Variants in EXOC6 observed in about 807,000 individuals in gnomAD.
The protein encoded by EXOC6 is exocyst complex component 6.
EXOC6 carries 60 observed loss-of-function variants against 112.5 expected under a neutral mutation model. The ratio of observed to expected loss-of-function variants is 0.53; its 90% CI spans 0.43 to 0.66. The LOEUF (loss-of-function observed/expected upper bound fraction) is 0.66, where lower values mean the gene tolerates loss of function less well. EXOC6 is among the 30% of genes least tolerant of loss of function. The pLI, the probability that EXOC6 is intolerant of heterozygous loss-of-function variation, is 0.00. For synonymous variants in EXOC6, 295 were observed against 308.0 expected, an observed-to-expected ratio of 0.96 and a Z score of 0.44; for missense variants, 855 against 957.1, an observed-to-expected ratio of 0.89 and a Z score of 1.41.
chr10:92,951,294 T>C (rs1278956086), intron 14 of EXOC6, among the ~76,000 whole-genome samples: 1 of 151,946 alleles, frequency 6.6e-6, no homozygotes, highest in Non-Finnish European at 1.5e-5. Flanking sequence ...CCAAGAAAAG[T>C]ATATGTAGTA....
chr10:93,048,582 T>TATA (rs753191497), intron 20 of EXOC6, among the ~76,000 whole-genome samples: 2 of 151,486 alleles, frequency 1.3e-5, no homozygotes, highest in South Asian at 2.1e-4. Flanking sequence ...AAACTTAAAG[T>TATA]ATAATAATAA....
intron 18 of EXOC6, among the ~76,000 whole-genome samples, chr10:92,995,669 A>G (rs1176738417): frequency 6.6e-6 from 1 of 152,118 alleles, no homozygotes; most frequent in Non-Finnish European, 1.5e-5. Context: ...TGCTTGGGGA[A>G]TGGAGCTGCA....
intron 18 of EXOC6, among the ~76,000 whole-genome samples, chr10:92,989,574 C>G (rs1843148219): frequency 6.6e-6 from 1 of 152,176 alleles, no homozygotes; most frequent in Admixed American, 6.5e-5. Context: ...ATAACTGTTG[C>G]AAATTCCCAA....
chr10:92,913,842 A>AT (rs1431225279), intron 6 of EXOC6, among the ~76,000 whole-genome samples: 7 of 152,202 alleles, frequency 4.6e-5, no homozygotes, highest in Admixed American at 4.6e-4. Context: ...AAAAAAAGTT[A>AT]TTTTTGAAAA....
chr10:92,971,375 CT>C (rs1417142251), intron 17 of EXOC6, among the ~76,000 whole-genome samples: 12 of 139,172 alleles, frequency 8.6e-5, no homozygotes, highest in African/African-American at 2.4e-4. Flanking sequence ...ACTTATTGTA[CT>C]TTTTTTTTTC....
chr10:92,831,677 C>T (rs1444743715), upstream of EXOC6, among the ~76,000 whole-genome samples: 1 of 152,080 alleles, frequency 6.6e-6, no homozygotes, highest in East Asian at 1.9e-4. Flanking sequence ...TCAGGTGATC[C>T]GCCTGCCTCG....
At chr10:93,010,456 C>T (rs1380331831) in intron 19 of EXOC6, among the ~76,000 whole-genome samples, 1 of 152,084 alleles carries the variant, frequency 6.6e-6, no homozygotes, top group African/African-American at 2.4e-5. Context: ...GTAATCACAG[C>T]ACTTTGGGAG....
intron 1 of EXOC6, among the ~76,000 whole-genome samples, chr10:92,863,538 A>G (rs1848008630): frequency 6.6e-6 from 1 of 152,156 alleles, no homozygotes; most frequent in African/African-American, 2.4e-5. Context: ...GCACTTTGGG[A>G]GGCCAAGGCG....
chr10:92,832,499 A>C (rs548484479), upstream of EXOC6, among the ~76,000 whole-genome samples: 7 of 152,182 alleles, frequency 4.6e-5, no homozygotes, highest in Non-Finnish European at 1.0e-4. Flanking sequence ...GCCTGTCATG[A>C]ACTTCCGACC....
upstream of EXOC6, among the ~76,000 whole-genome samples, chr10:92,834,162 G>C (rs771038613): frequency 2.0e-5 from 3 of 152,100 alleles, no homozygotes; most frequent in Non-Finnish European, 2.9e-5. Flanking sequence ...AAAGGAGATA[G>C]ACAGGGCACC....
intron 20 of EXOC6, among the ~76,000 whole-genome samples, chr10:93,033,390 A>G (rs1395338312): frequency 6.6e-6 from 1 of 152,140 alleles, no homozygotes; most frequent in Admixed American, 6.5e-5. Context: ...AGTTGAATTT[A>G]CCCTGAGCAA....
At chr10:92,881,466 A>G (rs1168105591) in intron 1 of EXOC6, among the ~76,000 whole-genome samples, 2 of 152,210 alleles carry the variant, frequency 1.3e-5, no homozygotes, top group Non-Finnish European at 2.9e-5. Context: ...TTCAGTGTAG[A>G]TAAATTTTAA....
chr10:93,039,809 C>T (rs142605093), intron 20 of EXOC6, among the ~76,000 whole-genome samples: 34 of 152,280 alleles, frequency 2.2e-4, no homozygotes, highest in Non-Finnish European at 4.3e-4. Context: ...CCTGAAAACC[C>T]TCATTGCAAT....
intron 20 of EXOC6, among the ~76,000 whole-genome samples, chr10:93,017,668 A>G (rs997493430): frequency 1.3e-5 from 2 of 152,094 alleles, no homozygotes; most frequent in Non-Finnish European, 2.9e-5. Context: ...CTTCACCACT[A>G]TACGATTCAT....
In EXOC6 at chr10:92,877,555, T is replaced by G. The variant is rs562882574; in HGVS notation, c.102-15794T>G. Among the ~76,000 whole-genome samples, 174 of 152,332 alleles carry G rather than the reference T, an allele frequency of 1.1e-3. 7 individuals are homozygous for G. The South Asian group carries it at 0.032, about 28-fold the overall frequency. On this transcript the variant is annotated intron_variant, in intron 1 of 21. Coordinates refer to ENST00000260762, the MANE Select transcript of EXOC6 (RefSeq NM_019053.6). Reference sequence around the variant, plus strand: ...AATACAGATGGAAAAAGATGATTTTTATTTTTTGTTTTGTTATTTATATTC... The same window carrying G: ...AATACAGATGGAAAAAGATGATTTTGATTTTTTGTTTTGTTATTTATATTC...
intron 5 of EXOC6, among the ~76,000 whole-genome samples, chr10:92,903,255 C>T (rs1196906082): frequency 6.6e-6 from 1 of 151,912 alleles, no homozygotes; most frequent in African/African-American, 2.4e-5. Context: ...TCCTTGCAAA[C>T]GTATGGTGTT....
In EXOC6 at chr10:93,038,841, A is replaced by G. The variant is rs191312715; in HGVS notation, c.2170-18083A>G. Among the ~76,000 whole-genome samples, 88 of 152,348 alleles carry G rather than the reference A, an allele frequency of 5.8e-4. No homozygotes were observed. The Middle Eastern group carries it at 0.014, about 24-fold the overall frequency. On this transcript the variant is annotated intron_variant, in intron 20 of 21. Transcript: ENST00000260762. The stretch of plus-strand genomic sequence containing the variant: ...AACTCAAAATTTGATTAGAAAGTGA[A>G]AACAAACATACAAAGGAAAAGTAAG...
In EXOC6 at chr10:92,873,796, A is replaced by G. The variant is rs535078884; in HGVS notation, c.102-19553A>G. On this transcript the variant is annotated intron_variant, in intron 1 of 21. Transcript: ENST00000260762. ...CCAGGCACGGTGGCTCATGCCTGTA[A>G]TACCAGCACTTTGGGAGGCCGAGGT... Among the ~76,000 whole-genome samples the G allele has an allele frequency of 1.1e-3, 171 of 152,298 alleles. 1 individual carries two copies. Among genetic ancestry groups the G allele is most frequent in the African/African-American group, 3.8e-3 (159 of 41,566 alleles).
Position 92,848,649 on chromosome 10 carries a change from C to T in EXOC6, c.101+15C>T, listed in dbSNP as rs1418338776. 1.5e-6 allele frequency: 2 copies of T among 1,364,200 alleles called. No homozygotes were observed. The highest frequency in any genetic ancestry group is 1.9e-6 in the Non-Finnish European group (2 of 1,036,560). 84.5% of individuals were successfully genotyped at this position (1,364,200 alleles called of 1,614,324 possible). A position where few individuals can be genotyped will look rare whatever the true frequency, so the allele number is the denominator to read the frequency against. ...CCCACCCTCCGGTAAAGATCTCATCCCACCGGGACTTCGGCCCCCCGCCCC... is the reference window on the plus strand; with the variant it reads ...CCCACCCTCCGGTAAAGATCTCATCTCACCGGGACTTCGGCCCCCCGCCCC... On this transcript the variant is annotated intron_variant, in intron 1 of 21. Coordinates refer to ENST00000260762, the MANE Select transcript of EXOC6 (RefSeq NM_019053.6).
Sources: allele counts gnomAD v4.1 joint callset (sites outside exome capture counted in the v4.1 genomes callset), GRCh38; gene constraint gnomAD v4.1.1; transcripts MANE v1.5; gene names NCBI Gene and HGNC (gene_info 2026-07-23, HGNC 2026-07-21).